The following RRAS variants were observed in gnomAD, a reference collection of about 807,000 sequenced individuals.
RRAS encodes the protein RAS related.
Under a neutral mutation model 23.3 loss-of-function variants are expected in RRAS, and 18 were observed. That is an observed-to-expected ratio of 0.77 (90% CI 0.53 to 1.15). The LOEUF is 1.15. RRAS is among the 50% of genes most tolerant of loss of function. RRAS has a pLI of 0.00. For missense variants in RRAS, 291 were observed against 317.1 expected (o/e 0.92, Z 0.62); for synonymous variants, 133 against 138.3 (o/e 0.96, Z 0.27).
rs1386016129 is a variant in RRAS at position 49,637,137 on chromosome 19, G to A, written c.154-7C>T. ...AGTCAGACACGAAGTAGGACTGGCGGGGTGGGGAGAGGATAGTTACTGCAG... is the reference window on the plus strand; with the variant it reads ...AGTCAGACACGAAGTAGGACTGGCGAGGTGGGGAGAGGATAGTTACTGCAG... On this transcript the variant is annotated splice_polypyrimidine_tract_variant and splice_region_variant and intron_variant, in intron 1 of 5. Transcript: ENST00000246792. 2 of 1,608,210 alleles carry A rather than the reference G, an allele frequency of 1.2e-6. No individual in the cohort carries two copies.
Position 49,636,614 on chromosome 19 carries a change from C to G in RRAS, c.453+5G>C. The G allele has an allele frequency of 6.2e-7, 1 of 1,611,350 alleles. No individual in the cohort carries two copies. Among genetic ancestry groups the G allele is most frequent in the Non-Finnish European group, 8.5e-7 (1 of 1,177,524 alleles). On this transcript the variant is annotated splice_donor_5th_base_variant and intron_variant, in intron 4 of 5. Coordinates refer to ENST00000246792, the MANE Select transcript of RRAS (RefSeq NM_006270.5). The surrounding 1 kb of genome is among the most constrained non-coding windows in gnomAD (Gnocchi z 4.5). The stretch of plus-strand genomic sequence containing the variant: ...GGGGTCCCCAGAAAGAGGGGTGTCC[C>G]GAACCTGGCGCTGTGACTCCAGATC...
chr19:49,636,738 A>G lies in RRAS; in HGVS notation c.345-11T>C. ...CCCACCTCGTTGAAACTGCGAGTGA[A>G]GCCGGAGGCATGAGGTCCAGCCAGC... On this transcript the variant is annotated splice_polypyrimidine_tract_variant and intron_variant, in intron 3 of 5. Transcript: ENST00000246792. The surrounding 1 kb of genome is among the most constrained non-coding windows in gnomAD (Gnocchi z 4.5). 6.2e-7 allele frequency: 1 copy of G among 1,613,352 alleles called. No individual in the cohort carries two copies. Among genetic ancestry groups the G allele is most frequent in the Non-Finnish European group, 8.5e-7 (1 of 1,179,490 alleles).
chr19:49,639,768 T>G (rs1185358658), intron 1 of RRAS, among the ~76,000 whole-genome samples, 178 bp downstream of exon 1: 1 of 151,988 alleles, frequency 6.6e-6, no homozygotes, highest in Non-Finnish European at 1.5e-5. Context: ...GGGTCCCCCG[T>G]GCAGGGGATG....
At position 49,636,835 on chromosome 19, in the gene RRAS, G is replaced by A. The variant is rs1865077; in HGVS notation, c.333C>T (p.Asn111=). The A allele has an allele frequency of 0.68, 1,100,106 of 1,612,212 alleles. 377,521 individuals carry two copies. The highest frequency in any genetic ancestry group is 0.83 in the East Asian group (37,249 of 44,866). ...GCAACCCCTGTCACCTCTGCCGGTC[G>A]TTAATGGCGAACACCAGCAGGAAGC... ...GHGFLLVFAI[N]DRQSFNEVGK... The change falls in exon 3 of 6, where the codon AAC becomes AAT. Residue 111 remains asparagine, a synonymous_variant. Coordinates refer to ENST00000246792, the MANE Select transcript of RRAS (RefSeq NM_006270.5). This position sits in a 1 kb window ranked among gnomAD's most constrained non-coding sequence, Gnocchi z 4.5.
rs369508242 is a variant in RRAS, at chr19:49,636,701, G to A, written c.371C>T (p.Thr124Met). The change falls in exon 4 of 6, where the codon ACG becomes ATG. Residue 124 changes from threonine (T) to methionine (M), a missense_variant. Transcript: ENST00000246792. This position sits in a 1 kb window ranked among gnomAD's most constrained non-coding sequence, Gnocchi z 4.5. ...QSFNEVGKLF[T>M]QILRVKDRDD... The stretch of plus-strand genomic sequence containing the variant: ...GCGGTCCTTGACCCGCAGAATCTGC[G>A]TGAAGAGCTTGCCCACCTCGTTGAA... 2.4e-5 allele frequency: 39 copies of A among 1,614,030 alleles called. No individual in the cohort carries two copies. In the African/African-American group the frequency reaches 2.8e-4, roughly 12 times the overall value.
chr19:49,635,766 G>C lies in RRAS; in HGVS notation c.540C>G (p.Asp180Glu), dbSNP rs781054110. The C allele has an allele frequency of 4.4e-6, 7 of 1,594,582 alleles. No homozygotes were observed. The South Asian group carries it at 7.8e-5, about 18-fold the overall frequency. The change falls in exon 5 of 6, where the codon GAC (aspartate) becomes GAG (glutamate). Residue 180 changes from aspartate to glutamate, a missense_variant. Coordinates refer to ENST00000246792, the MANE Select transcript of RRAS (RefSeq NM_006270.5). ...EASAKLRLNV[D>E]EAFEQLVRAV... ...CCCGCACCAGCTGCTCAAAAGCCTCGTCCACGTTGAGACGCAGTTTGGCCG... is the reference window on the plus strand; with the variant it reads ...CCCGCACCAGCTGCTCAAAAGCCTCCTCCACGTTGAGACGCAGTTTGGCCG...
chr19:49,638,066 TTCCTCCCTCTCTTCC>T (rs1244007010), intron 1 of RRAS, among the ~76,000 whole-genome samples: 1 of 152,122 alleles, frequency 6.6e-6, no homozygotes, highest in Non-Finnish European at 1.5e-5. Flanking sequence ...CCTCTTCTGC[TTCCTCCCTCTCTTCC>T]TCCTCCCCCG....
intron 1 of RRAS, among the ~76,000 whole-genome samples, chr19:49,639,010 G>T (rs2081009696): frequency 6.6e-6 from 1 of 152,094 alleles, no homozygotes; most frequent in Admixed American, 6.5e-5. Context: ...CAAGGGGCAG[G>T]ATGTCTTTTT....
At chr19:49,639,659 A>C (rs1264167023) in intron 1 of RRAS, among the ~76,000 whole-genome samples, 3 of 151,628 alleles carry the variant, frequency 2.0e-5, no homozygotes. Flanking sequence ...TGTATTTAGC[A>C]TGCTCCCAGG....
Position 49,637,038 on chromosome 19 carries a change from C to A in RRAS, c.241+5G>T. 1 of 1,613,576 alleles carries A rather than the reference C, an allele frequency of 6.2e-7. No homozygotes were observed. Among genetic ancestry groups the A allele is most frequent in the South Asian group, 1.1e-5 (1 of 91,046 alleles). On this transcript the variant is annotated splice_donor_5th_base_variant and intron_variant, in intron 2 of 5. Coordinates refer to ENST00000246792, the MANE Select transcript of RRAS (RefSeq NM_006270.5). ...CCATCCATCATCCATCCTTGCCGCC[C>A]TCACTGTCCAGCCGGGCTGGGATGC... is the stretch of plus-strand genomic sequence containing the variant.
In RRAS at chr19:49,635,617, G is replaced by A. The variant is rs2080992338; in HGVS notation, c.616C>T (p.Pro206Ser). ...GGGCAGCCCCCGCCCTTCTTCCTGGGGGCACTGGGAGGGCTCGGTGGGAGC... is the reference window on the plus strand; with the variant it reads ...GGGCAGCCCCCGCCCTTCTTCCTGGAGGCACTGGGAGGGCTCGGTGGGAGC... ...QELPPSPPSAPRKKGGGCPCV... is the reference protein window; with the variant it reads ...QELPPSPPSASRKKGGGCPCV... Residue 206 changes from proline to serine, a missense_variant, in exon 6 of 6, where the codon CCC (proline) becomes TCC (serine). Coordinates refer to ENST00000246792, the MANE Select transcript of RRAS (RefSeq NM_006270.5). 7.0e-7 allele frequency: 1 copy of A among 1,433,762 alleles called. No individual in the cohort carries two copies. The highest frequency in any genetic ancestry group is 1.4e-5 in the African/African-American group (1 of 69,002). The allele number at this position is 1,433,762 out of a possible 1,614,324, so 88.8% of individuals were successfully genotyped here.
chr19:49,636,467 G>C lies in RRAS; in HGVS notation c.453+152C>G, dbSNP rs2080996593. The C allele has an allele frequency of 7.5e-6, 5 of 666,088 alleles. No individual in the cohort carries two copies. The South Asian group carries it at 8.3e-5, about 11-fold the overall frequency. The allele number at this position is 666,088 out of a possible 1,614,324, so 41.3% of individuals were successfully genotyped here. A position where few individuals can be genotyped will look rare whatever the true frequency, so the allele number is the denominator to read the frequency against. ...CTCGGTGATGCCGGGGACCCTGAAG[G>C]TCCAGTTTGGGGGTAACCCATCTAG... On this transcript the variant is annotated intron_variant, in intron 4 of 5. Coordinates refer to ENST00000246792, the MANE Select transcript of RRAS (RefSeq NM_006270.5). This position sits in a 1 kb window ranked among gnomAD's most constrained non-coding sequence, Gnocchi z 4.5.
At chr19:49,637,279 T>A (rs1167809096) in intron 1 of RRAS, 149 bp from the exon 2 acceptor site, 1 of 550,042 alleles carries the variant, frequency 1.8e-6, no homozygotes, top group Admixed American at 3.0e-5. Context: ...TCTGGGTCTC[T>A]GTCCCGTCTG....
chr19:49,638,589 G>C (rs1413793286), intron 1 of RRAS, among the ~76,000 whole-genome samples: 2 of 152,110 alleles, frequency 1.3e-5, no homozygotes. Context: ...GAGGCTGTAA[G>C]GATCAAGCCC....
intron 1 of RRAS, among the ~76,000 whole-genome samples, chr19:49,639,241 T>C (rs971276846): frequency 3.3e-5 from 5 of 151,940 alleles, no homozygotes; most frequent in Non-Finnish European, 5.9e-5. Flanking sequence ...CAGTCCAATA[T>C]GGTGAAACCC....
chr19:49,638,483 G>A (rs1246757676), intron 1 of RRAS, among the ~76,000 whole-genome samples: 8 of 152,144 alleles, frequency 5.3e-5, no homozygotes, highest in Non-Finnish European at 1.2e-4. Context: ...CTGGGCTGGG[G>A]TGGAATTTCA....
rs2122418915 is a variant in RRAS at position 49,636,601 on chromosome 19, A to G, written c.453+18T>C. 1 of 1,587,600 alleles carries G rather than the reference A, an allele frequency of 6.3e-7. No individual in the cohort carries two copies. The highest frequency in any genetic ancestry group is 1.7e-5 in the Admixed American group (1 of 59,980). Reference sequence around the variant, plus strand: ...CCCAGACTGAGATGGGGTCCCCAGAAAGAGGGGTGTCCCGAACCTGGCGCT... The same window carrying G: ...CCCAGACTGAGATGGGGTCCCCAGAGAGAGGGGTGTCCCGAACCTGGCGCT... On this transcript the variant is annotated intron_variant, in intron 4 of 5. Coordinates refer to ENST00000246792, the MANE Select transcript of RRAS (RefSeq NM_006270.5). This position sits in a 1 kb window ranked among gnomAD's most constrained non-coding sequence, Gnocchi z 4.5.
rs2080995620 is a variant in RRAS at position 49,636,231 on chromosome 19, C to T, written c.454-379G>A. Among the ~76,000 whole-genome samples, 1 of 151,148 alleles carries T rather than the reference C, an allele frequency of 6.6e-6. No homozygotes were observed. On this transcript the variant is annotated intron_variant, in intron 4 of 5. Transcript: ENST00000246792. This position sits in a 1 kb window ranked among gnomAD's most constrained non-coding sequence, Gnocchi z 4.5. ...GTGATGGGAGCAGGGAAAGGAGGGGCGCAACTGTGCGGGGCATCTGGCACC... is the reference window on the plus strand; with the variant it reads ...GTGATGGGAGCAGGGAAAGGAGGGGTGCAACTGTGCGGGGCATCTGGCACC...
intron 1 of RRAS, among the ~76,000 whole-genome samples, chr19:49,639,691 C>T (rs1257673243): frequency 6.6e-6 from 1 of 151,826 alleles, no homozygotes; most frequent in African/African-American, 2.4e-5. Flanking sequence ...GCCAGGTCAG[C>T]AGGTAAGCGG....
Sources: gnomAD v4.1 joint callset for allele counts (sites outside exome capture counted in the v4.1 genomes callset) on GRCh38, gnomAD v4.1.1 for gene constraint, Gnocchi (gnomAD v3.1) non-coding constraint, MANE v1.5 for transcripts, NCBI Gene and HGNC (gene_info 2026-07-23, HGNC 2026-07-21) for gene names.